The following ST8SIA6 variants were observed in gnomAD, a reference collection of about 807,000 sequenced individuals.
The protein encoded by ST8SIA6 is alpha-2,8-sialyltransferase 8F.
In ST8SIA6, 39 loss-of-function variants were observed where a neutral mutation model predicts 33.6. That is an observed-to-expected ratio of 1.16 (90% CI 0.90 to 1.52). The LOEUF is 1.52. Ranked by LOEUF, ST8SIA6 falls within the 40% of genes most tolerant of loss-of-function variation. The pLI is 0.00. For synonymous variants in ST8SIA6, 172 were observed against 167.2 expected, an observed-to-expected ratio of 1.03 and a Z score of -0.22; for missense variants, 441 against 443.8, an observed-to-expected ratio of 0.99 and a Z score of 0.06.
At chr10:17,407,942 A>G (rs1289025688) in intron 2 of ST8SIA6, 6 of 152,642 alleles carry the variant, frequency 3.9e-5, no homozygotes, top group East Asian at 1.9e-4. Flanking sequence ...CATGTCACCA[A>G]TAAGTGTTCT....
rs530536087 is a variant in ST8SIA6, at chr10:17,351,069, C to A, written c.377+8445G>T. 7.9e-5 allele frequency among the ~76,000 whole-genome samples: 12 copies of A among 152,156 alleles called. No individual in the cohort carries two copies. In the South Asian group the frequency reaches 2.1e-3, roughly 26 times the overall value. On this transcript the variant is annotated intron_variant, in intron 4 of 7. Transcript: ENST00000377602. ...TCATTTCATCATCTTGCCACTTTTC[C>A]CTTTCCCTGAAACTGCTGAGTGTTC...
intron 3 of ST8SIA6, among the ~76,000 whole-genome samples, chr10:17,362,269 T>C (rs552761589): frequency 6.6e-6 from 1 of 152,316 alleles, no homozygotes; most frequent in Admixed American, 6.5e-5. Flanking sequence ...GATGTATACA[T>C]ATTCCAACAC....
chr10:17,329,593 G>C (rs1848234363), intron 5 of ST8SIA6, among the ~76,000 whole-genome samples: 1 of 152,158 alleles, frequency 6.6e-6, no homozygotes, highest in Non-Finnish European at 1.5e-5. Flanking sequence ...TTTATAGATA[G>C]GGTAGGATGC....
At chr10:17,374,321 C>A (rs1176625825) in intron 3 of ST8SIA6, among the ~76,000 whole-genome samples, 3 of 152,050 alleles carry the variant, frequency 2.0e-5, no homozygotes, top group Non-Finnish European at 2.9e-5. Flanking sequence ...TTCATGTACT[C>A]TTTGAAGTAC....
intron 3 of ST8SIA6, among the ~76,000 whole-genome samples, chr10:17,372,211 A>G (rs1437809322): frequency 1.3e-5 from 2 of 152,236 alleles, no homozygotes; most frequent in Non-Finnish European, 2.9e-5. Flanking sequence ...CAAGTAGGGT[A>G]CTGCTACGTA....
chr10:17,324,114 T>C (rs750876301), intron 6 of ST8SIA6, among the ~76,000 whole-genome samples: 1 of 152,230 alleles, frequency 6.6e-6, no homozygotes, highest in Non-Finnish European at 1.5e-5. Flanking sequence ...AATTATATTC[T>C]TGTCACAAAA....
intron 2 of ST8SIA6, among the ~76,000 whole-genome samples, chr10:17,427,655 A>G (rs1564459567): frequency 6.6e-6 from 1 of 152,246 alleles, no homozygotes; most frequent in Non-Finnish European, 1.5e-5. Context: ...GAACTTGAGG[A>G]TGGCAGCTGA....
At chr10:17,336,953 T>C (rs894181565) in intron 4 of ST8SIA6, among the ~76,000 whole-genome samples, 3 of 152,142 alleles carry the variant, frequency 2.0e-5, no homozygotes, top group African/African-American at 7.2e-5. Context: ...TTGAGATTCA[T>C]ATATGCTACC....
intron 2 of ST8SIA6, among the ~76,000 whole-genome samples, chr10:17,394,432 A>C (rs1850729336): frequency 6.6e-6 from 1 of 151,940 alleles, no homozygotes; most frequent in Admixed American, 6.6e-5. Flanking sequence ...ACACCTGACA[A>C]GCAGAAGTCA....
In ST8SIA6 at chr10:17,320,580, AG is replaced by A; in HGVS notation, c.*297del. The A allele has an allele frequency of 2.9e-6, 1 of 342,990 alleles. No individual in the cohort carries two copies. Among genetic ancestry groups the A allele is most frequent in the Non-Finnish European group, 5.3e-6 (1 of 187,166 alleles). The allele number at this position is 342,990 out of a possible 1,614,324, so 21.2% of individuals were successfully genotyped here. ...GAAGGTGGAGATGGCTGGTATAAAT[AG>A]TAAGAAAGAAATATTCTTTGAGTCC... On this transcript the variant is annotated 3_prime_UTR_variant, in exon 8 of 8. Coordinates refer to ENST00000377602, the MANE Select transcript of ST8SIA6 (RefSeq NM_001004470.3).
chr10:17,403,504 T>C (rs541954462), intron 2 of ST8SIA6: 1 of 152,326 alleles, frequency 6.6e-6, no homozygotes, highest in Non-Finnish European at 1.5e-5. Context: ...ATTCTCTTAC[T>C]CTAGGCTGGT....
intron 2 of ST8SIA6, among the ~76,000 whole-genome samples, chr10:17,417,603 A>G (rs1186987636): frequency 6.6e-6 from 1 of 151,406 alleles, no homozygotes; most frequent in Non-Finnish European, 1.5e-5. Context: ...CTCCCTGCAC[A>G]TTCTCCAGCA....
chr10:17,394,991 C>T (rs1477337428), intron 2 of ST8SIA6, among the ~76,000 whole-genome samples: 2 of 152,064 alleles, frequency 1.3e-5, no homozygotes, highest in Non-Finnish European at 2.9e-5. Context: ...TTGGCTGTGT[C>T]CCCACCCATA....
chr10:17,384,416 A>G (rs1850264183), intron 3 of ST8SIA6, among the ~76,000 whole-genome samples: 1 of 152,226 alleles, frequency 6.6e-6, no homozygotes. Flanking sequence ...ATGCTGCACT[A>G]TATACAAATA....
chr10:17,323,429 C>T (rs1001867206), intron 6 of ST8SIA6, among the ~76,000 whole-genome samples: 1 of 132,240 alleles, frequency 7.6e-6, no homozygotes, highest in Admixed American at 8.6e-5. Flanking sequence ...CAGAGTCTCG[C>T]TCTGTTGCCT....
intron 2 of ST8SIA6, among the ~76,000 whole-genome samples, chr10:17,452,985 T>C (rs1051665685): frequency 7.0e-4 from 107 of 152,194 alleles, no homozygotes; most frequent in African/African-American, 2.3e-3. Flanking sequence ...TTTTCTTTTA[T>C]ACAGTTCTAT....
At chr10:17,428,483 A>G (rs1296059129) in intron 2 of ST8SIA6, among the ~76,000 whole-genome samples, 1 of 152,168 alleles carries the variant, frequency 6.6e-6, no homozygotes, top group Non-Finnish European at 1.5e-5. Context: ...AGAAGTGGGC[A>G]AATAAAGTCA....
chr10:17,383,825 A>T (rs438665), intron 3 of ST8SIA6, among the ~76,000 whole-genome samples: 48,439 of 152,056 alleles, frequency 0.32, 8,388 homozygotes, highest in East Asian at 0.64. Flanking sequence ...TAAAATGTTT[A>T]CTGATCCTTT....
intron 4 of ST8SIA6, among the ~76,000 whole-genome samples, chr10:17,333,701 A>ATATC (rs1564404983): frequency 1.3e-4 from 3 of 23,898 alleles, no homozygotes; most frequent in African/African-American, 4.4e-4. Flanking sequence ...ATATATATAT[A>ATATC]TATATATATA....
Sources: gnomAD v4.1 joint callset for allele counts (sites outside exome capture counted in the v4.1 genomes callset) on GRCh38, gnomAD v4.1.1 for gene constraint, MANE v1.5 for transcripts, NCBI Gene and HGNC (gene_info 2026-07-23, HGNC 2026-07-21) for gene names.